The following TRHDE variants were observed in gnomAD, a reference collection of about 807,000 sequenced individuals.
TRHDE encodes the protein thyrotropin-releasing hormone-degrading ectoenzyme.
TRHDE carries 72 observed loss-of-function variants against 125.7 expected under a neutral mutation model. That is an observed-to-expected ratio of 0.57 (90% CI 0.47 to 0.70). TRHDE has a LOEUF of 0.70. Ranked by LOEUF, TRHDE falls within the 30% of genes least tolerant of loss-of-function variation. The pLI is 0.00. For missense variants in TRHDE, 1,110 were observed against 1,327.1 expected, an observed-to-expected ratio of 0.84 and a Z score of 2.54; for synonymous variants, 509 against 509.1, an observed-to-expected ratio of 1.00 and a Z score of 0.00.
chr12:72,541,885 A>G (rs1592524256), intron 6 of TRHDE, among the ~76,000 whole-genome samples: 5 of 151,504 alleles, frequency 3.3e-5, no homozygotes, highest in South Asian at 4.1e-4. Context: ...TACCTATTTT[A>G]CTTCAAAGTT....
At chr12:72,341,255 G>GT (rs1179881435) in intron 2 of TRHDE, among the ~76,000 whole-genome samples, 1 of 151,672 alleles carries the variant, frequency 6.6e-6, no homozygotes, top group Non-Finnish European at 1.5e-5. Context: ...TTTACATTAG[G>GT]TATTTCTCCT....
chr12:72,588,938 GA>G (rs1871555006), intron 12 of TRHDE, among the ~76,000 whole-genome samples: 1 of 152,072 alleles, frequency 6.6e-6, no homozygotes, highest in Non-Finnish European at 1.5e-5. Context: ...AGCAAAGAGG[GA>G]AAAACCCCTT....
At chr12:72,427,198 C>G (rs1024278888) in intron 3 of TRHDE, among the ~76,000 whole-genome samples, 7 of 152,038 alleles carry the variant, frequency 4.6e-5, no homozygotes, top group Non-Finnish European at 7.4e-5. Context: ...TTATAGTTTG[C>G]CAACCCCTGA....
chr12:72,273,704 T>G lies in TRHDE; in HGVS notation c.914+147T>G. Reference sequence around the variant, plus strand: ...AGGAAACGAAAGCGGAGTAGGGCAGTCAGAACTCCGGGGTCTCCCAGATGC... The same window carrying G: ...AGGAAACGAAAGCGGAGTAGGGCAGGCAGAACTCCGGGGTCTCCCAGATGC... On this transcript the variant is annotated intron_variant, in intron 1 of 18. Transcript: ENST00000261180. This position sits in a 1 kb window ranked among gnomAD's most constrained non-coding sequence, Gnocchi z 5.3. The G allele has an allele frequency of 1.4e-6, 1 of 732,140 alleles. No homozygotes were observed. Among genetic ancestry groups the G allele is most frequent in the Non-Finnish European group, 2.2e-6 (1 of 452,228 alleles). The allele number at this position is 732,140 out of a possible 1,614,324, so 45.4% of individuals were successfully genotyped here. A position where few individuals can be genotyped will look rare whatever the true frequency, so the allele number is the denominator to read the frequency against.
chr12:72,272,074 G>A, upstream of TRHDE: 1 of 457,716 alleles, frequency 2.2e-6, no homozygotes, highest in Non-Finnish European at 4.4e-6. This position sits in a 1 kb window ranked among gnomAD's most constrained non-coding sequence, Gnocchi z 6.7. Flanking sequence ...CTCTCCAGCT[G>A]CAGGGTGTAT....
chr12:72,353,365 A>G (rs1393737489), intron 2 of TRHDE, among the ~76,000 whole-genome samples: 3 of 151,762 alleles, frequency 2.0e-5, no homozygotes, highest in African/African-American at 7.2e-5. Context: ...TATACAGGAA[A>G]TATGGAAGAA....
At chr12:72,446,149 TC>T (rs955619823) in intron 3 of TRHDE, among the ~76,000 whole-genome samples, 56 of 124,960 alleles carry the variant, frequency 4.5e-4, no homozygotes, top group African/African-American at 2.0e-3. Context: ...ATTGTGCATT[TC>T]TTTTTTTTTT....
chr12:72,344,627 C>G (rs906985192), intron 2 of TRHDE, among the ~76,000 whole-genome samples: 17 of 152,190 alleles, frequency 1.1e-4, no homozygotes, highest in Admixed American at 7.2e-4. Context: ...AACAATTGTG[C>G]AGAGAATTCC....
intron 3 of TRHDE, among the ~76,000 whole-genome samples, chr12:72,404,366 T>A (rs886900551): frequency 6.6e-6 from 1 of 152,092 alleles, no homozygotes; most frequent in Non-Finnish European, 1.5e-5. Flanking sequence ...GGCAGGCAGA[T>A]GTTGCAGTGA....
rs552431788 is a variant in TRHDE, at chr12:72,638,845, T to C, written c.2676-13477T>C. ...TTGAATATTGGCCCCCTCTCTCTTC[T>C]GGCTTGTAGGGTTTCTGCTGAGAGA... On this transcript the variant is annotated intron_variant, in intron 15 of 18. Transcript: ENST00000261180. Among the ~76,000 whole-genome samples the C allele has an allele frequency of 1.4e-4, 22 of 152,322 alleles. No individual in the cohort carries two copies. In the East Asian group the frequency reaches 4.1e-3, roughly 28 times the overall value.
rs140158797 is a variant in TRHDE, at chr12:72,103,927, C to G, written n.175-1721C>G. On this transcript the variant is annotated intron_variant and non_coding_transcript_variant, in intron 1 of 4. Coordinates refer to the TRHDE transcript ENST00000548156. ...AAATTAGAGTGTTTCCATACCCACT[C>G]CAATTAATCATTGCTTGAGAGCTGT... Among the ~76,000 whole-genome samples the G allele has an allele frequency of 4.2e-3, 643 of 152,184 alleles. 1 individual carries two copies. The highest frequency in any genetic ancestry group is 0.015 in the African/African-American group (604 of 41,544).
At chr12:72,104,951 T>C (rs927607486) in intron 1 of TRHDE, among the ~76,000 whole-genome samples, 1 of 152,136 alleles carries the variant, frequency 6.6e-6, no homozygotes, top group Admixed American at 6.5e-5. Context: ...AGCTTTTCCA[T>C]AGAGTTGGGA....
intron 2 of TRHDE, among the ~76,000 whole-genome samples, chr12:72,249,992 A>G (rs867475449): frequency 7.1e-4 from 108 of 152,228 alleles, no homozygotes; most frequent in African/African-American, 2.5e-3. Context: ...TAAACTGATA[A>G]GAAGAACTGC....
chr12:72,097,893 G>T (rs1458449291), intron 1 of TRHDE, among the ~76,000 whole-genome samples: 3 of 152,108 alleles, frequency 2.0e-5, no homozygotes, highest in Non-Finnish European at 4.4e-5. Flanking sequence ...GCTTAAAAGA[G>T]TATTGGGCTG....
At chr12:72,287,965 T>C (rs1366295604) in intron 2 of TRHDE, among the ~76,000 whole-genome samples, 1 of 151,682 alleles carries the variant, frequency 6.6e-6, no homozygotes, top group African/African-American at 2.4e-5. Context: ...TTTTTTCAAA[T>C]GAGTAAAGTA....
chr12:72,153,220 T>C (rs1592460950), intron 2 of TRHDE, among the ~76,000 whole-genome samples: 1 of 152,228 alleles, frequency 6.6e-6, no homozygotes, highest in East Asian at 1.9e-4. Context: ...GTAGTTTGTA[T>C]TTCTGTGGGA....
At chr12:72,237,605 T>A (rs1251529123) in intron 2 of TRHDE, among the ~76,000 whole-genome samples, 1 of 152,200 alleles carries the variant, frequency 6.6e-6, no homozygotes, top group South Asian at 2.1e-4. Flanking sequence ...TCACGAGATC[T>A]GATGGTTTAA....
intron 12 of TRHDE, among the ~76,000 whole-genome samples, chr12:72,614,131 CT>C (rs2136071851): frequency 6.6e-6 from 1 of 151,818 alleles, no homozygotes; most frequent in South Asian, 2.1e-4. Context: ...GGGTTCTGCC[CT>C]CATGATCCAA....
intron 2 of TRHDE, among the ~76,000 whole-genome samples, chr12:72,244,623 T>C (rs1285603230): frequency 6.6e-6 from 1 of 152,084 alleles, no homozygotes; most frequent in Non-Finnish European, 1.5e-5. Flanking sequence ...ATTGCCATAA[T>C]TAATGTCCCC....
Sources: allele counts gnomAD v4.1 joint callset (sites outside exome capture counted in the v4.1 genomes callset), GRCh38; gene constraint gnomAD v4.1.1; non-coding constraint Gnocchi (gnomAD v3.1); transcripts MANE v1.5; gene names NCBI Gene and HGNC (gene_info 2026-07-23, HGNC 2026-07-21).